Variants in SEMA5A observed in about 807,000 individuals in gnomAD.
SEMA5A encodes semaphorin 5A.
Under a neutral mutation model 135.5 loss-of-function variants are expected in SEMA5A, and 55 were observed. The observed-to-expected ratio is 0.41, with a 90% CI of 0.33 to 0.51. The LOEUF is 0.51. Ranked by LOEUF, SEMA5A falls within the 20% of genes least tolerant of loss-of-function variation. The probability of loss-of-function intolerance (pLI) is 0.37; values close to 1 mark genes in which losing one functional copy is unlikely to be tolerated. For missense variants in SEMA5A, 1,290 were observed against 1,419.9 expected, an observed-to-expected ratio of 0.91 and a Z score of 1.47; for synonymous variants, 580 against 546.5, an observed-to-expected ratio of 1.06 and a Z score of -0.85.
chr5:9,418,117 C>T (rs1757343710), intron 2 of SEMA5A, among the ~76,000 whole-genome samples: 1 of 152,096 alleles, frequency 6.6e-6, no homozygotes, highest in Non-Finnish European at 1.5e-5. Flanking sequence ...GCTGGGACTA[C>T]AGGTGCCCGC....
At chr5:9,298,734 T>C (rs1751459904) in intron 5 of SEMA5A, among the ~76,000 whole-genome samples, 1 of 152,198 alleles carries the variant, frequency 6.6e-6, no homozygotes, top group East Asian at 1.9e-4. Context: ...TATCTGTAGA[T>C]TAAGGTTCTT....
intron 8 of SEMA5A, among the ~76,000 whole-genome samples, chr5:9,216,275 C>T (rs1028566353): frequency 6.6e-6 from 1 of 152,144 alleles, no homozygotes; most frequent in Admixed American, 6.5e-5. Context: ...TGTTCGATTT[C>T]CATGTAGTTA....
intron 6 of SEMA5A, among the ~76,000 whole-genome samples, chr5:9,236,782 T>C (rs978580931): frequency 1.9e-4 from 29 of 152,124 alleles, no homozygotes; most frequent in Admixed American, 6.5e-4. Context: ...AAGACTGCAT[T>C]TTCCTCCTTC....
At chr5:9,544,994 C>T (rs1258323531) in intron 1 of SEMA5A, among the ~76,000 whole-genome samples, 1 of 152,196 alleles carries the variant, frequency 6.6e-6, no homozygotes, top group Admixed American at 6.5e-5. Flanking sequence ...CTAGCTGCAG[C>T]GCACCTGGCT....
chr5:9,169,388 C>T (rs1026312386), intron 11 of SEMA5A, among the ~76,000 whole-genome samples: 5 of 152,170 alleles, frequency 3.3e-5, no homozygotes, highest in African/African-American at 1.2e-4. Context: ...GTCCTCTCTC[C>T]ATGCTTGCTT....
intron 10 of SEMA5A, among the ~76,000 whole-genome samples, chr5:9,193,735 T>A (rs934230190): frequency 2.0e-5 from 3 of 151,994 alleles, no homozygotes; most frequent in Non-Finnish European, 4.4e-5. Flanking sequence ...TCGTCTGTAC[T>A]AAAAATACAA....
chr5:9,487,127 A>G (rs1285250092), intron 1 of SEMA5A, among the ~76,000 whole-genome samples: 1 of 152,218 alleles, frequency 6.6e-6, no homozygotes, highest in Non-Finnish European at 1.5e-5. Context: ...ACTGGTAAGT[A>G]CAAGAACCAA....
At chr5:9,149,037 G>A (rs1429729885) in intron 12 of SEMA5A, among the ~76,000 whole-genome samples, 2 of 152,088 alleles carry the variant, frequency 1.3e-5, no homozygotes, top group Non-Finnish European at 2.9e-5. Flanking sequence ...TTGTTTTGAT[G>A]TCATCCTGTG....
intron 5 of SEMA5A, among the ~76,000 whole-genome samples, chr5:9,247,657 A>T (rs1158814021): frequency 1.3e-5 from 2 of 152,184 alleles, no homozygotes; most frequent in East Asian, 3.9e-4. Context: ...GATTGACTTT[A>T]CTTCCAGCTT....
At chr5:9,404,140 G>T (rs969076041) in intron 2 of SEMA5A, among the ~76,000 whole-genome samples, 1 of 151,952 alleles carries the variant, frequency 6.6e-6, no homozygotes, top group Non-Finnish European at 1.5e-5. Flanking sequence ...CACCATGTTG[G>T]CTAGGCTGGT....
intron 8 of SEMA5A, among the ~76,000 whole-genome samples, chr5:9,205,674 T>G (rs979047609): frequency 2.6e-5 from 4 of 152,194 alleles, no homozygotes; most frequent in Admixed American, 1.3e-4. Flanking sequence ...TTCCTTTTGG[T>G]TTGCAAAAAC....
intron 1 of SEMA5A, among the ~76,000 whole-genome samples, chr5:9,482,902 G>A (rs1759930204): frequency 2.0e-5 from 3 of 152,292 alleles, no homozygotes; most frequent in Admixed American, 6.5e-5. Flanking sequence ...AATGGAGATT[G>A]TTTCCTTTGT....
At chr5:9,390,255 G>C (rs2126525251) in intron 2 of SEMA5A, among the ~76,000 whole-genome samples, 1 of 152,226 alleles carries the variant, frequency 6.6e-6, no homozygotes, top group East Asian at 1.9e-4. Context: ...TAGCCAGACA[G>C]ACTTAAAAAA....
intron 8 of SEMA5A, among the ~76,000 whole-genome samples, chr5:9,222,085 T>G (rs1747036449): frequency 6.6e-6 from 1 of 152,128 alleles, no homozygotes; most frequent in Admixed American, 6.5e-5. Context: ...TGGGAGTCAG[T>G]GCAGGCGGGC....
intron 5 of SEMA5A, among the ~76,000 whole-genome samples, chr5:9,238,236 G>A (rs895308657): frequency 6.6e-6 from 1 of 152,100 alleles, no homozygotes; most frequent in African/African-American, 2.4e-5. Flanking sequence ...AGACCCAGAC[G>A]AGGCTTAAGG....
chr5:9,345,836 AATAC>A (rs1334758182), intron 3 of SEMA5A, among the ~76,000 whole-genome samples: 2 of 152,176 alleles, frequency 1.3e-5, no homozygotes, highest in African/African-American at 4.8e-5. Flanking sequence ...TACACAACAC[AATAC>A]ATATTTTGTG....
Position 9,234,434 on chromosome 5 carries a change from C to T in SEMA5A, c.333+3394G>A, listed in dbSNP as rs191298335. Among the ~76,000 whole-genome samples, 8 of 152,332 alleles carry T rather than the reference C, an allele frequency of 5.3e-5. No individual in the cohort carries two copies. The East Asian group carries it at 1.5e-3, about 29-fold the overall frequency. ...CTTATAAAGGTGGGTGAAGAGCCCT[C>T]TCCTCTCACCACCCATGAACCAGCC... On this transcript the variant is annotated intron_variant, in intron 6 of 22. Transcript: ENST00000382496.
intron 2 of SEMA5A, among the ~76,000 whole-genome samples, chr5:9,423,297 G>T (rs1006109615): frequency 5.3e-5 from 8 of 152,140 alleles, no homozygotes; most frequent in African/African-American, 1.9e-4. Flanking sequence ...ACTACTTTCC[G>T]TAATGGCATT....
chr5:9,234,890 G>A (rs1329787209), intron 6 of SEMA5A, among the ~76,000 whole-genome samples: 4 of 152,138 alleles, frequency 2.6e-5, no homozygotes, highest in Admixed American at 1.3e-4. Flanking sequence ...TCTCCTCCGT[G>A]AATCGAGGGT....
Sources: allele counts gnomAD v4.1 joint callset (sites outside exome capture counted in the v4.1 genomes callset), GRCh38; gene constraint gnomAD v4.1.1; transcripts MANE v1.5; gene names NCBI Gene and HGNC (gene_info 2026-07-23, HGNC 2026-07-21).